Variants in PFAS observed in about 807,000 individuals in gnomAD.
PFAS encodes the protein phosphoribosylformylglycinamidine synthase.
Under a neutral mutation model 140.6 loss-of-function variants are expected in PFAS, and 97 were observed. That is an observed-to-expected ratio of 0.69 (90% CI 0.59 to 0.82). The LOEUF (loss-of-function observed/expected upper bound fraction) is 0.82. PFAS is among the 40% of genes least tolerant of loss of function. The probability of loss-of-function intolerance (pLI) is 0.00; values close to 1 mark genes in which losing one functional copy is unlikely to be tolerated. For synonymous variants in PFAS, 679 were observed against 718.8 expected (o/e 0.94, Z 0.88); for missense variants, 1,656 against 1,780.2 (o/e 0.93, Z 1.26).
chr17:8,256,982 C>A lies in PFAS; in HGVS notation c.1075+19C>A. The A allele has an allele frequency of 6.2e-7, 1 of 1,613,738 alleles. No homozygotes were observed. Among genetic ancestry groups the A allele is most frequent in the South Asian group, 1.1e-5 (1 of 91,038 alleles). On this transcript the variant is annotated intron_variant, in intron 9 of 27. Coordinates refer to ENST00000314666, the MANE Select transcript of PFAS (RefSeq NM_012393.3). ...ATTCCAGGTTCCATCTCCTTCCTCT[C>A]TATCCACCTTCCCTTCCAGATTCCT...
chr17:8,268,770 C>T lies in PFAS; in HGVS notation c.3620C>T (p.Ala1207Val), dbSNP rs373602411. The T allele has an allele frequency of 3.7e-6, 6 of 1,610,554 alleles. No homozygotes were observed. In the African/African-American group the frequency reaches 8.0e-5, roughly 21 times the overall value. Residue 1207 changes from alanine to valine, a missense_variant, in exon 27 of 28, where the codon GCC (alanine) becomes GTC (valine). Ala to Val is a moderately conservative substitution (Grantham distance 64, BLOSUM62 0). Coordinates refer to ENST00000314666, the MANE Select transcript of PFAS (RefSeq NM_012393.3). ...TCTGGGCGCTACGAGTCTCGCTGGG[C>T]CAGCGTGCGTGTGGGGCCTGGGCCA... The part of the protein sequence containing the change: ...NLSGRYESRW[A>V]SVRVGPGPAL...
rs1357374879 is a variant in PFAS, at chr17:8,265,407, T to C, written c.2400T>C (p.Asp800=). The C allele has an allele frequency of 6.2e-7, 1 of 1,613,976 alleles. No individual in the cohort carries two copies. Among genetic ancestry groups the C allele is most frequent in the Non-Finnish European group, 8.5e-7 (1 of 1,180,000 alleles). Residue 800 remains aspartate (D), a synonymous_variant, in exon 19 of 28, where the codon GAT becomes GAC. Transcript: ENST00000314666. The part of the protein sequence containing the change: ...AVMAALGVAV[D]GGKDSLSMAA... ...TGGCAGCCCTGGGTGTGGCAGTGGATGGTGGCAAGGACTCCCTCAGCATGG... is the reference window on the plus strand; with the variant it reads ...TGGCAGCCCTGGGTGTGGCAGTGGACGGTGGCAAGGACTCCCTCAGCATGG...
At chr17:8,260,145 A>G (rs1175749065) in intron 11 of PFAS, among the ~76,000 whole-genome samples, 2 of 152,058 alleles carry the variant, frequency 1.3e-5, no homozygotes, top group African/African-American at 4.8e-5. Flanking sequence ...TACATAAACC[A>G]GTAATAGTCA....
chr17:8,253,770 C>G (rs1311931849), intron 1 of PFAS, 89 bp from the exon 2 acceptor site: 1 of 916,434 alleles, frequency 1.1e-6, no homozygotes, highest in East Asian at 2.9e-5. Flanking sequence ...AACTCCTGAC[C>G]TCAGGCAATC....
At chr17:8,257,073 GGA>G in intron 9 of PFAS, 110 bp downstream of exon 9, 1 of 1,201,074 alleles carries the variant, frequency 8.3e-7, no homozygotes, top group Admixed American at 1.7e-5. Context: ...CCTTTTCTCA[GGA>G]GGAAGGGCTC....
At chr17:8,257,189 C>T (rs557553990) in intron 9 of PFAS, among the ~76,000 whole-genome samples, 1 of 152,334 alleles carries the variant, frequency 6.6e-6, no homozygotes, top group Non-Finnish European at 1.5e-5. Flanking sequence ...AAAAACTAGC[C>T]TTCATTCAGC....
rs1310905511 is a variant in PFAS, at chr17:8,255,887, C to T, written c.657C>T (p.Ala219=). 1 of 1,613,598 alleles carries T rather than the reference C, an allele frequency of 6.2e-7. No individual in the cohort carries two copies. Among genetic ancestry groups the T allele is most frequent in the Non-Finnish European group, 8.5e-7 (1 of 1,179,682 alleles). ...AGCGGAACCCGAGCACTGTGGAGGC[C>T]TTTGACTTGGCGCAGTCCAATAGGT... ...ELQRNPSTVE[A]FDLAQSNSEH... Residue 219 remains alanine (A), a synonymous_variant, in exon 6 of 28, where the codon GCC becomes GCT. Coordinates refer to ENST00000314666, the MANE Select transcript of PFAS (RefSeq NM_012393.3).
chr17:8,262,843 G>C, intron 11 of PFAS, 77 bp from the exon 12 acceptor site: 1 of 1,105,222 alleles, frequency 9.0e-7, no homozygotes, highest in Non-Finnish European at 1.4e-6. Flanking sequence ...AGCTTCCTCT[G>C]TGTTCACGCT....
Position 8,263,134 on chromosome 17 carries a change from T to A in PFAS, c.1436T>A (p.Leu479Gln). Residue 479 changes from leucine (L) to glutamine (Q), a missense_variant, in exon 13 of 28, where the codon CTG becomes CAG. By Grantham distance (113) the Leu-to-Gln change is moderately radical (BLOSUM62 -2). Around this residue, in one of 2 missense-constraint regions of PFAS, gnomAD observed 773 missense variants for 757.3 expected, o/e 1.02. Transcript: ENST00000314666. ...VQVQGDNTSD[L>Q]DFGAVQRGDP... ...GTGCAGGGAGATAACACCAGTGACC[T>A]GGACTTTGGGGCTGTGCAGCGAGGA... 1 of 1,614,062 alleles carries A rather than the reference T, an allele frequency of 6.2e-7. No individual in the cohort carries two copies. Among genetic ancestry groups the A allele is most frequent in the African/African-American group, 1.3e-5 (1 of 75,032 alleles).
At chr17:8,264,089 C>A in intron 15 of PFAS, 123 bp from the exon 16 acceptor site, 2 of 1,462,124 alleles carry the variant, frequency 1.4e-6, no homozygotes, top group Non-Finnish European at 1.9e-6. Flanking sequence ...CAAGGAGGGG[C>A]AGGGACTCAA....
chr17:8,267,608 C>T lies in PFAS; in HGVS notation c.3325C>T (p.Arg1109Cys), dbSNP rs201217138. 1.2e-5 allele frequency: 20 copies of T among 1,613,318 alleles called. No individual in the cohort carries two copies. Among genetic ancestry groups the T allele is most frequent in the African/African-American group, 9.3e-5 (7 of 74,894 alleles). The change falls in exon 26 of 28, where the codon CGT becomes TGT. Residue 1109 changes from arginine to cysteine, a missense_variant. By Grantham distance (180) the Arg-to-Cys change is radical. Around this residue, in one of 2 missense-constraint regions of PFAS, gnomAD observed 883 missense variants for 1,023.0 expected, o/e 0.86. Transcript: ENST00000314666. This position sits in a 1 kb window ranked among gnomAD's most constrained non-coding sequence, Gnocchi z 4.9. ...TGGGGCAATTGGGCTGGACACTTTC[C>T]GTGGCGTGGCCTTCGTGGGCGGCTT... ...CSGAIGLDTF[R>C]GVAFVGGFSY...
In PFAS at chr17:8,266,656, C is replaced by T. The variant is rs1483562082; in HGVS notation, c.2822-97C>T. On this transcript the variant is annotated intron_variant, in intron 22 of 27. Transcript: ENST00000314666. The surrounding 1 kb of genome is among the most constrained non-coding windows in gnomAD (Gnocchi z 5.0). ...TACCCTACTCTCTGGCTGCATCCCTCTGACCCTCACCCTGGCCCTTCCTGC... is the reference window on the plus strand; with the variant it reads ...TACCCTACTCTCTGGCTGCATCCCTTTGACCCTCACCCTGGCCCTTCCTGC... The T allele has an allele frequency of 3.3e-6, 5 of 1,521,368 alleles. No homozygotes were observed. The highest frequency in any genetic ancestry group is 4.4e-6 in the Non-Finnish European group (5 of 1,140,458). 94.2% of individuals were successfully genotyped at this position (1,521,368 alleles called of 1,614,324 possible).
At position 8,268,632 on chromosome 17, in the gene PFAS, G is replaced by T; in HGVS notation, c.3482G>T (p.Cys1161Phe). The change falls in exon 27 of 28, where the codon TGT becomes TTT. Residue 1161 changes from cysteine (C) to phenylalanine (F), a missense_variant. This residue lies in a region of PFAS where 883 missense variants were observed against 1,023.0 expected (regional missense o/e 0.86). Transcript: ENST00000314666. ...TTCAGCCTGGGCGTGTGTAATGGCT[G>T]TCAACTGCTGGCTCTGCTCGGCTGG... is the stretch of plus-strand genomic sequence containing the variant. ...DTFSLGVCNG[C>F]QLLALLGWVG... The T allele has an allele frequency of 6.2e-7, 1 of 1,613,830 alleles. No homozygotes were observed. Among genetic ancestry groups the T allele is most frequent in the Non-Finnish European group, 8.5e-7 (1 of 1,180,020 alleles).
At chr17:8,258,903 G>C (rs1011574033) in intron 11 of PFAS, among the ~76,000 whole-genome samples, 25 of 151,362 alleles carry the variant, frequency 1.7e-4, no homozygotes, top group African/African-American at 6.1e-4. Flanking sequence ...GGAGAATGAC[G>C]TGAACCCAGG....
At chr17:8,265,835 T>A (rs1989789905) in intron 20 of PFAS, 27 bp from the exon 21 acceptor site, 1 of 1,578,260 alleles carries the variant, frequency 6.3e-7, no homozygotes, top group African/African-American at 1.3e-5. Context: ...GCTGTTCCCC[T>A]CCCCTCACCC....
At chr17:8,252,758 C>T (rs8080208) in intron 1 of PFAS, among the ~76,000 whole-genome samples, 2,897 of 152,176 alleles carry the variant, frequency 0.019, 99 homozygotes, top group African/African-American at 0.066. Flanking sequence ...GCTGGGACTA[C>T]AGGCACATGC....
rs753567005 is a variant in PFAS, at chr17:8,263,825, G to A, written c.1680G>A (p.Gln560=). 6.2e-7 allele frequency: 1 copy of A among 1,614,144 alleles called. No individual in the cohort carries two copies. Among genetic ancestry groups the A allele is most frequent in the Non-Finnish European group, 8.5e-7 (1 of 1,180,010 alleles). The change falls in exon 15 of 28, where the codon CAG becomes CAA. Residue 560 remains glutamine (Q), a synonymous_variant. Transcript: ENST00000314666. ...TGGAAATCTGGGGGGCTGAGTACCA[G>A]GAATCAAATGCTCTTCTGCTGAGGT... The part of the protein sequence containing the change: ...NALEIWGAEY[Q]ESNALLLRSP...
At chr17:8,259,087 A>C (rs1989487518) in intron 11 of PFAS, among the ~76,000 whole-genome samples, 1 of 150,622 alleles carries the variant, frequency 6.6e-6, no homozygotes. Flanking sequence ...TGGAGGTTGC[A>C]GTGAGTGGAG....
intron 1 of PFAS, among the ~76,000 whole-genome samples, chr17:8,250,478 G>A (rs1350164393): frequency 6.6e-6 from 1 of 152,184 alleles, no homozygotes; most frequent in East Asian, 1.9e-4. Context: ...GAGTCTGAGG[G>A]AAAGAGAATT....
Sources: allele counts gnomAD v4.1 joint callset (sites outside exome capture counted in the v4.1 genomes callset), GRCh38; gene constraint gnomAD v4.1.1; regional missense constraint gnomAD v4.1.1; non-coding constraint Gnocchi (gnomAD v3.1); transcripts MANE v1.5; gene names NCBI Gene and HGNC (gene_info 2026-07-23, HGNC 2026-07-21).